Variants in ZNF821 observed in about 807,000 individuals in gnomAD.
ZNF821 encodes zinc finger protein 821.
A neutral mutation model predicts 44.3 loss-of-function variants in ZNF821; 16 were observed. The observed-to-expected ratio is 0.36, with a 90% CI of 0.24 to 0.55. ZNF821 has a LOEUF of 0.55. Among genes scored for constraint, ZNF821 ranks in the 20% least tolerant of loss-of-function variants. The pLI is 0.86. For synonymous variants in ZNF821, 204 were observed against 197.6 expected (o/e 1.03, Z -0.27); for missense variants, 436 against 547.6 (o/e 0.80, Z 2.03).
At chr16:71,863,072 T>C (rs1209986848) in intron 6 of ZNF821, among the ~76,000 whole-genome samples, 4 of 152,034 alleles carry the variant, frequency 2.6e-5, no homozygotes, top group African/African-American at 9.7e-5. Flanking sequence ...TTTTTTTGTA[T>C]TTTATTAGAG....
Position 71,861,825 on chromosome 16 carries a change from T to C in ZNF821, c.535A>G (p.Asn179Asp). 1 of 1,614,174 alleles carries C rather than the reference T, an allele frequency of 6.2e-7. No individual in the cohort carries two copies. Among genetic ancestry groups the C allele is most frequent in the Non-Finnish European group, 8.5e-7 (1 of 1,180,032 alleles). ...LLIHSEDQRS[N>D]CAVCGARFTS... Reference sequence around the variant, plus strand: ...AACCGGGCTCCACACACAGCACAGTTAGATCGCTGGTCCTCCGAGTGGATT... The same window carrying C: ...AACCGGGCTCCACACACAGCACAGTCAGATCGCTGGTCCTCCGAGTGGATT... The change falls in exon 7 of 8, where the codon AAC becomes GAC. Residue 179 changes from asparagine (N) to aspartate (D), a missense_variant. Coordinates refer to ENST00000425432, the MANE Select transcript of ZNF821 (RefSeq NM_001201552.2).
chr16:71,894,899 T>G, exon 1 of ZNF821: 1 of 1,356,366 alleles, frequency 7.4e-7, no homozygotes, highest in Non-Finnish European at 1.0e-6. Context: ...CGAGATAAAT[T>G]AGGGAAATCG....
rs573566983 is a variant in ZNF821, at chr16:71,873,402, A to G, written c.41-5365T>C. 1.0e-3 allele frequency among the ~76,000 whole-genome samples: 156 copies of G among 152,274 alleles called. 1 individual carries two copies. The highest frequency in any genetic ancestry group is 3.4e-3 in the Middle Eastern group (1 of 294). ...GGTCTAACACAGATTTCAGCCCGTC[A>G]GCAGTTTTTCCATAACTAATAACAA... is the stretch of plus-strand genomic sequence containing the variant. On this transcript the variant is annotated intron_variant, in intron 3 of 7. Coordinates refer to ENST00000425432, the MANE Select transcript of ZNF821 (RefSeq NM_001201552.2).
At chr16:71,883,512 G>A (rs1296767369) in intron 1 of ZNF821, 1 of 231,450 alleles carries the variant, frequency 4.3e-6, no homozygotes, top group African/African-American at 2.3e-5. Flanking sequence ...AAATTTAGAA[G>A]CTTTTCTGCG....
Position 71,860,099 on chromosome 16 carries a change from C to T in ZNF821, c.1158G>A (p.Leu386=), listed in dbSNP as rs201027678. 1 of 1,614,238 alleles carries T rather than the reference C, an allele frequency of 6.2e-7. No individual in the cohort carries two copies. The highest frequency in any genetic ancestry group is 2.2e-5 in the East Asian group (1 of 44,888). The change falls in exon 8 of 8, where the codon CTG becomes CTA. Residue 386 remains leucine, a synonymous_variant. Coordinates refer to ENST00000425432, the MANE Select transcript of ZNF821 (RefSeq NM_001201552.2). This position sits in a 1 kb window ranked among gnomAD's most constrained non-coding sequence, Gnocchi z 7.3. The part of the protein sequence containing the change: ...ALAAEMNFFQ[L]PVSGVELDSQ... ...TGTCCAACTCCACCCCACTTACAGG[C>T]AGCTGGAAGAAGTTCATTTCAGCTG...
chr16:71,883,445 C>G (rs1259296910), intron 1 of ZNF821, 172 bp from the exon 2 acceptor site: 1 of 335,586 alleles, frequency 3.0e-6, no homozygotes, highest in Non-Finnish European at 5.9e-6. Flanking sequence ...TGACAAGAGC[C>G]GGAGGTCTTC....
intron 1 of ZNF821, among the ~76,000 whole-genome samples, chr16:71,893,706 G>C (rs1025927161): frequency 4.0e-5 from 6 of 151,554 alleles, no homozygotes; most frequent in Non-Finnish European, 7.4e-5. Flanking sequence ...TGATCCACCC[G>C]CCTCGGCCAC....
chr16:71,859,852 C>A lies in ZNF821; in HGVS notation c.*166G>T. On this transcript the variant is annotated 3_prime_UTR_variant, in exon 8 of 8. Coordinates refer to ENST00000425432, the MANE Select transcript of ZNF821 (RefSeq NM_001201552.2). ...CCAGGTCCCTCCTGACCCCATCATC[C>A]TGTTCCCATATGCAAGGGCTGCTCA... The A allele has an allele frequency of 1.3e-6, 1 of 768,974 alleles. No homozygotes were observed. Among genetic ancestry groups the A allele is most frequent in the Non-Finnish European group, 2.0e-6 (1 of 491,810 alleles). The allele number at this position is 768,974 out of a possible 1,614,324, so 47.6% of individuals were successfully genotyped here.
upstream of ZNF821, among the ~76,000 whole-genome samples, chr16:71,886,853 A>T (rs2036858791): frequency 6.6e-6 from 1 of 152,146 alleles, no homozygotes; most frequent in African/African-American, 2.4e-5. Context: ...GGCACCCACA[A>T]ATCTACTTTC....
intron 3 of ZNF821, among the ~76,000 whole-genome samples, chr16:71,872,779 A>C (rs1027012319): frequency 6.6e-6 from 1 of 152,232 alleles, no homozygotes; most frequent in Non-Finnish European, 1.5e-5. Context: ...AACAGAATAA[A>C]TAAAAACTAA....
intron 3 of ZNF821, among the ~76,000 whole-genome samples, chr16:71,872,632 G>A (rs2035342395): frequency 1.3e-5 from 2 of 152,214 alleles, no homozygotes; most frequent in South Asian, 4.2e-4. Context: ...AAAAAAAAGA[G>A]AGCAGATATC....
upstream of ZNF821, among the ~76,000 whole-genome samples, chr16:71,886,977 G>A (rs990867240): frequency 6.6e-6 from 1 of 152,142 alleles, no homozygotes; most frequent in Non-Finnish European, 1.5e-5. Flanking sequence ...TCACTTAATA[G>A]GTTTTCAAGG....
At chr16:71,865,804 G>C (rs2034473246) in intron 4 of ZNF821, among the ~76,000 whole-genome samples, 1 of 152,104 alleles carries the variant, frequency 6.6e-6, no homozygotes, top group Non-Finnish European at 1.5e-5. Flanking sequence ...GGAAGGAACG[G>C]GCCATTCTTT....
chr16:71,895,079 A>C (rs1597224310), exon 1 of ZNF821: 3 of 411,536 alleles, frequency 7.3e-6, no homozygotes, highest in Non-Finnish European at 8.9e-6. Context: ...AGGCTTCGAA[A>C]CCCCCTCGGC....
rs985020234 is a variant in ZNF821, at chr16:71,864,155, T to C, written c.400A>G (p.Ile134Val). 6 of 1,614,034 alleles carry C rather than the reference T, an allele frequency of 3.7e-6. No homozygotes were observed. In the African/African-American group the frequency reaches 8.0e-5, roughly 22 times the overall value. ...ATCCATACCTGGTACACGTGAGCAA[T>C]CAACTGCTCCCGGCTCCCGCAGTCT... is the stretch of plus-strand genomic sequence containing the variant. ...QLDCGSREQL[I>V]AHVYQHTAAV... Residue 134 changes from isoleucine (I) to valine (V), a missense_variant, in exon 6 of 8, where the codon ATT becomes GTT. By Grantham distance (29) the Ile-to-Val change is conservative. Around this residue, in one of 5 missense-constraint regions of ZNF821, gnomAD observed 238 missense variants for 281.4 expected, o/e 0.85. Coordinates refer to ENST00000425432, the MANE Select transcript of ZNF821 (RefSeq NM_001201552.2).
intron 3 of ZNF821, among the ~76,000 whole-genome samples, chr16:71,875,906 A>G (rs1033230281): frequency 6.6e-6 from 1 of 152,028 alleles, no homozygotes; most frequent in African/African-American, 2.4e-5. Context: ...GCCTCCATCT[A>G]TTTTTCAACT....
chr16:71,861,638 C>T (rs2033909014), intron 7 of ZNF821, 138 bp downstream of exon 7: 4 of 967,074 alleles, frequency 4.1e-6, no homozygotes, highest in African/African-American at 3.2e-5. Context: ...ATTTCCTAGC[C>T]TTCTTACTTG....
At chr16:71,883,639 G>A (rs1404352702) in intron 1 of ZNF821, 1 of 152,372 alleles carries the variant, frequency 6.6e-6, no homozygotes, top group African/African-American at 2.4e-5. Context: ...GGCCCGAGGA[G>A]GCGGGGTGCC....
Position 71,867,721 on chromosome 16 carries a change from C to T in ZNF821, c.166+191G>A, listed in dbSNP as rs535773899. Among the ~76,000 whole-genome samples the T allele has an allele frequency of 1.1e-4, 16 of 151,960 alleles. No homozygotes were observed. In the South Asian group the frequency reaches 3.3e-3, roughly 32 times the overall value. On this transcript the variant is annotated intron_variant, in intron 4 of 7. Transcript: ENST00000425432. Reference sequence around the variant, plus strand: ...AAAGTATATATATATAAATAAAATGCCAAACCTGTCCTCTTTTTCTGGATA... The same window carrying T: ...AAAGTATATATATATAAATAAAATGTCAAACCTGTCCTCTTTTTCTGGATA...
Sources: gnomAD v4.1 joint callset for allele counts (sites outside exome capture counted in the v4.1 genomes callset) on GRCh38, gnomAD v4.1.1 for gene constraint, gnomAD v4.1.1 regional missense constraint, Gnocchi (gnomAD v3.1) non-coding constraint, MANE v1.5 for transcripts, NCBI Gene and HGNC (gene_info 2026-07-23, HGNC 2026-07-21) for gene names.